Variants in DNAH11 observed in about 807,000 individuals in gnomAD.
The protein encoded by DNAH11 is dynein axonemal heavy chain 11, also known as axonemal beta dynein heavy chain 11.
A neutral mutation model predicts 526.0 loss-of-function variants in DNAH11; 442 were observed. The observed-to-expected ratio is 0.84, with a 90% CI of 0.78 to 0.91. The LOEUF is 0.91. DNAH11 is among the 40% of genes least tolerant of loss of function. DNAH11 has a pLI of 0.00. For synonymous variants in DNAH11, 2,461 were observed against 1,935.9 expected, an observed-to-expected ratio of 1.27 and a Z score of -7.12; for missense variants, 6,989 against 5,448.7, an observed-to-expected ratio of 1.28 and a Z score of -8.90.
rs757930286 is a variant in DNAH11 at position 21,818,347 on chromosome 7, T to C, written c.10691+8T>C. 1 of 1,606,022 alleles carries C rather than the reference T, an allele frequency of 6.2e-7. No individual in the cohort carries two copies. The highest frequency in any genetic ancestry group is 8.5e-7 in the Non-Finnish European group (1 of 1,177,152). On this transcript the variant is annotated splice_region_variant and intron_variant, in intron 65 of 81. Coordinates refer to ENST00000409508, the MANE Select transcript of DNAH11 (RefSeq NM_001277115.2). The stretch of plus-strand genomic sequence containing the variant: ...CACAATTAAAAAAGGAAAGTAAGTA[T>C]TCTTGAATTTTTAACATATATATCT...
Position 21,654,971 on chromosome 7 carries a change from C to T in DNAH11, c.4945-861C>T, listed in dbSNP as rs184483595. Among the ~76,000 whole-genome samples the T allele has an allele frequency of 7.3e-4, 111 of 152,186 alleles. 1 individual carries two copies. The East Asian group carries it at 0.011, about 15-fold the overall frequency. On this transcript the variant is annotated intron_variant, in intron 28 of 81. Transcript: ENST00000409508. ...ATAAGTGTTGTTCATTCTGGGGTTG[C>T]GGTTGGAGGCCAGATAGATTTTGTT...
intron 2 of DNAH11, among the ~76,000 whole-genome samples, chr7:21,549,829 G>C (rs1265102196): frequency 2.6e-5 from 4 of 152,168 alleles, no homozygotes; most frequent in African/African-American, 9.7e-5. Flanking sequence ...ATTTGGTTCA[G>C]GGAAAAGATA....
intron 45 of DNAH11, among the ~76,000 whole-genome samples, chr7:21,728,711 A>G (rs954272956): frequency 2.0e-5 from 3 of 152,204 alleles, no homozygotes; most frequent in Non-Finnish European, 2.9e-5. Context: ...TCTAGCTGTG[A>G]ACTTACAAAA....
chr7:21,715,279 A>T (rs2965406), intron 42 of DNAH11, among the ~76,000 whole-genome samples: 4 of 151,938 alleles, frequency 2.6e-5, no homozygotes, highest in Non-Finnish European at 5.9e-5. Context: ...AACTTTGGCT[A>T]CTCTAGAAAG....
Position 21,772,024 on chromosome 7 carries a change from T to C in DNAH11, c.9103-1742T>C, listed in dbSNP as rs1213550002. ...CCTTATCATAAGAGAAAGTGACAAA[T>C]TGAGAATGCAGGGAAGACCAGTCAT... On this transcript the variant is annotated intron_variant, in intron 55 of 81. Transcript: ENST00000409508. Among the ~76,000 whole-genome samples the C allele has an allele frequency of 3.3e-5, 5 of 152,130 alleles. No individual in the cohort carries two copies. The South Asian group carries it at 8.3e-4, about 25-fold the overall frequency.
At chr7:21,670,121 T>C (rs1782586861) in intron 30 of DNAH11, among the ~76,000 whole-genome samples, 1 of 152,152 alleles carries the variant, frequency 6.6e-6, no homozygotes, top group Non-Finnish European at 1.5e-5. Flanking sequence ...ATATAAATTT[T>C]GGAAGAATGA....
At position 21,744,637 on chromosome 7, in the gene DNAH11, A is replaced by G. The variant is rs368688547; in HGVS notation, c.8316+38A>G. ...ATGTCAGAGGTCACTACTTACTCCAACACCAACTGGGTATTGGGACTAAAG... is the reference window on the plus strand; with the variant it reads ...ATGTCAGAGGTCACTACTTACTCCAGCACCAACTGGGTATTGGGACTAAAG... On this transcript the variant is annotated intron_variant, in intron 50 of 81. Coordinates refer to ENST00000409508, the MANE Select transcript of DNAH11 (RefSeq NM_001277115.2). The G allele has an allele frequency of 2.6e-5, 42 of 1,605,240 alleles. No individual in the cohort carries two copies. In the African/African-American group the frequency reaches 5.0e-4, roughly 19 times the overall value.
intron 67 of DNAH11, 54 bp downstream of exon 67, chr7:21,852,685 A>T: frequency 6.6e-7 from 1 of 1,504,920 alleles, no homozygotes; most frequent in South Asian, 1.4e-5. Context: ...CGAATGAGAC[A>T]TGTGGGGTGG....
chr7:21,899,539 G>A, intron 80 of DNAH11, 91 bp downstream of exon 80: 2 of 993,018 alleles, frequency 2.0e-6, no homozygotes, highest in Non-Finnish European at 3.0e-6. Context: ...GCGTCTCCTT[G>A]CCCTGCTCAC....
intron 65 of DNAH11, among the ~76,000 whole-genome samples, chr7:21,820,106 CA>C (rs1055969210): frequency 1.3e-5 from 2 of 152,188 alleles, no homozygotes; most frequent in African/African-American, 4.8e-5. Context: ...CTCTTCCATG[CA>C]GATGTTTTTA....
chr7:21,819,417 A>C (rs1325184179), intron 65 of DNAH11, among the ~76,000 whole-genome samples: 2 of 152,192 alleles, frequency 1.3e-5, no homozygotes, highest in Non-Finnish European at 2.9e-5. Flanking sequence ...TAATAAACCA[A>C]AATTTACCCA....
chr7:21,787,569 A>G lies in DNAH11; in HGVS notation c.9910A>G (p.Ile3304Val), dbSNP rs769891086. 4 of 1,610,366 alleles carry G rather than the reference A, an allele frequency of 2.5e-6. No homozygotes were observed. Among genetic ancestry groups the G allele is most frequent in the Non-Finnish European group, 3.4e-6 (4 of 1,178,404 alleles). Reference sequence around the variant, plus strand: ...CCTGTGTGCCTGGGTCATCAACATCATTAAATTCTATGAGGTATCAATCCT... The same window carrying G: ...CCTGTGTGCCTGGGTCATCAACATCGTTAAATTCTATGAGGTATCAATCCT... ...AGLCAWVINI[I>V]KFYEVYCDVE... Residue 3304 changes from isoleucine to valine, a missense_variant, in exon 60 of 82, where the codon ATT (isoleucine) becomes GTT (valine). Physicochemically the swap from Ile to Val is conservative, Grantham distance 29. Coordinates refer to ENST00000409508, the MANE Select transcript of DNAH11 (RefSeq NM_001277115.2).
chr7:21,698,030 T>C lies in DNAH11; in HGVS notation c.6042-45T>C, dbSNP rs190617360. On this transcript the variant is annotated intron_variant, in intron 35 of 81. Transcript: ENST00000409508. ...ACTTGATTTCAGCAATTTGTACTTA[T>C]CACCTTGTCACATTTTAAAACTAAA... 97 of 1,567,820 alleles carry C rather than the reference T, an allele frequency of 6.2e-5. 1 individual carries two copies. In the South Asian group the frequency reaches 9.8e-4, roughly 16 times the overall value.
chr7:21,560,180 A>G (rs1454198272), intron 4 of DNAH11, among the ~76,000 whole-genome samples: 1 of 152,212 alleles, frequency 6.6e-6, no homozygotes, highest in African/African-American at 2.4e-5. Context: ...CTTGCCATAC[A>G]AATTACTTAC....
At chr7:21,862,045 A>T (rs764878270) in intron 69 of DNAH11, 22 bp downstream of exon 69, 1 of 1,596,858 alleles carries the variant, frequency 6.3e-7, no homozygotes, top group African/African-American at 1.3e-5. Context: ...AGTTACTTGA[A>T]AAAGGATCCC....
chr7:21,674,130 G>A (rs1008109693), intron 30 of DNAH11, among the ~76,000 whole-genome samples: 39 of 151,688 alleles, frequency 2.6e-4, no homozygotes, highest in African/African-American at 9.2e-4. Flanking sequence ...CACTATCTCG[G>A]CTCACTGCAA....
At chr7:21,900,146 GGAA>G in intron 81 of DNAH11, 26 bp downstream of exon 81, 1 of 1,586,810 alleles carries the variant, frequency 6.3e-7, no homozygotes, top group Non-Finnish European at 8.6e-7. Flanking sequence ...GGGTAAGTGG[GGAA>G]CCTTTTCTTA....
chr7:21,643,088 G>A (rs981310115), intron 28 of DNAH11, among the ~76,000 whole-genome samples: 1 of 152,144 alleles, frequency 6.6e-6, no homozygotes, highest in African/African-American at 2.4e-5. Flanking sequence ...AAACTTAAAG[G>A]TGTATTTGCA....
At chr7:21,578,248 G>A (rs935616424) in intron 8 of DNAH11, among the ~76,000 whole-genome samples, 6 of 152,198 alleles carry the variant, frequency 3.9e-5, no homozygotes, top group African/African-American at 1.2e-4. Context: ...GAAGGTACAC[G>A]TATTGGGTAA....
Sources: gnomAD v4.1 joint callset for allele counts (sites outside exome capture counted in the v4.1 genomes callset) on GRCh38, gnomAD v4.1.1 for gene constraint, MANE v1.5 for transcripts, NCBI Gene and HGNC (gene_info 2026-07-23, HGNC 2026-07-21) for gene names.